Variants in WASHC4 observed in about 807,000 individuals in gnomAD.
The protein encoded by WASHC4 is WASH complex subunit 7.
Under a neutral mutation model 166.6 loss-of-function variants are expected in WASHC4, and 86 were observed. The ratio of observed to expected loss-of-function variants is 0.52; its 90% confidence interval spans 0.43 to 0.62. The LOEUF (loss-of-function observed/expected upper bound fraction) is 0.62, where lower values mean the gene tolerates loss of function less well. Among genes scored for constraint, WASHC4 ranks in the 20% least tolerant of loss-of-function variants. The pLI is 0.00. For synonymous variants in WASHC4, 446 were observed against 451.6 expected, an observed-to-expected ratio of 0.99 and a Z score of 0.16; for missense variants, 1,262 against 1,382.4, an observed-to-expected ratio of 0.91 and a Z score of 1.38.
chr12:105,147,218 G>C (rs1883368734), intron 24 of WASHC4, 72 bp downstream of exon 24: 3 of 874,240 alleles, frequency 3.4e-6, no homozygotes, highest in Non-Finnish European at 5.9e-6. Flanking sequence ...TTTTCTCATA[G>C]AATATTGCGG....
At chr12:105,147,175 G>A in intron 24 of WASHC4, 29 bp downstream of exon 24, 1 of 1,270,802 alleles carries the variant, frequency 7.9e-7, no homozygotes, top group Non-Finnish European at 1.2e-6. Flanking sequence ...GGGTTGAGTG[G>A]GTAATAGACC....
intron 6 of WASHC4, among the ~76,000 whole-genome samples, chr12:105,116,447 G>T (rs970930530): frequency 3.9e-5 from 6 of 151,966 alleles, no homozygotes; most frequent in Admixed American, 6.6e-5. Flanking sequence ...TGTTATTCAG[G>T]GTCCTGTCTA....
chr12:105,112,189 G>C (rs146255323), intron 2 of WASHC4, among the ~76,000 whole-genome samples: 184 of 151,808 alleles, frequency 1.2e-3, no homozygotes, highest in African/African-American at 4.2e-3. Context: ...TTTAACTTAT[G>C]TTTTCAAGGC....
rs1414793085 is a variant in WASHC4 at position 105,144,262 on chromosome 12, A to G, written c.2011-25A>G. On this transcript the variant is annotated intron_variant, in intron 20 of 32. Coordinates refer to ENST00000332180, the MANE Select transcript of WASHC4 (RefSeq NM_015275.3). ...AATTGCAATATCATTTTGAAAAATT[A>G]AAGTATCAAATCTTTTGTGAATAGC... The G allele has an allele frequency of 3.8e-6, 6 of 1,588,034 alleles. No individual in the cohort carries two copies. In the South Asian group the frequency reaches 4.4e-5, roughly 12 times the overall value.
At chr12:105,164,478 C>T (rs1884687494) in intron 31 of WASHC4, 163 bp from the exon 32 acceptor site, 5 of 808,458 alleles carry the variant, frequency 6.2e-6, no homozygotes, top group Middle Eastern at 3.5e-4. Context: ...CCATTTGACT[C>T]ACATCTTAAA....
intron 26 of WASHC4, among the ~76,000 whole-genome samples, chr12:105,156,011 T>A (rs1884137955): frequency 6.6e-6 from 1 of 152,190 alleles, no homozygotes; most frequent in Non-Finnish European, 1.5e-5. Context: ...GGTGATGGAT[T>A]GGATAGGAGG....
At chr12:105,151,145 C>CAAAAAAAA in intron 25 of WASHC4, among the ~76,000 whole-genome samples, 1 of 60,990 alleles carries the variant, frequency 1.6e-5, no homozygotes, top group Non-Finnish European at 2.9e-5. Flanking sequence ...GACTCTGTCT[C>CAAAAAAAA]AAAAAAAAAA....
intron 1 of WASHC4, among the ~76,000 whole-genome samples, chr12:105,108,170 C>G (rs1052694671): frequency 2.8e-4 from 42 of 152,164 alleles, no homozygotes; most frequent in Non-Finnish European, 4.4e-5. Flanking sequence ...GGGGCGCGCC[C>G]GGGAGGCCCA....
At chr12:105,117,474 C>G (rs1245087737) in intron 6 of WASHC4, among the ~76,000 whole-genome samples, 1 of 152,008 alleles carries the variant, frequency 6.6e-6, no homozygotes, top group African/African-American at 2.4e-5. Flanking sequence ...TTTGTTCTTT[C>G]TGTTTGTCCT....
intron 32 of WASHC4, among the ~76,000 whole-genome samples, chr12:105,166,047 G>A (rs1037302898): frequency 6.6e-6 from 1 of 152,158 alleles, no homozygotes; most frequent in Non-Finnish European, 1.5e-5. Flanking sequence ...AACTCTGCGG[G>A]GCGATTGGAC....
At chr12:105,114,172 A>G (rs1168019633) in intron 2 of WASHC4, 44 bp from the exon 3 acceptor site, 3 of 1,564,380 alleles carry the variant, frequency 1.9e-6, no homozygotes, top group East Asian at 2.2e-5. Flanking sequence ...AATTTCAGTT[A>G]TTTTTCAAAT....
intron 1 of WASHC4, 21 bp downstream of exon 1, chr12:105,107,882 G>A: frequency 6.5e-7 from 1 of 1,534,998 alleles, no homozygotes; most frequent in Non-Finnish European, 8.8e-7. Flanking sequence ...TGCAGGGCGA[G>A]GGCTGCGGGT....
intron 13 of WASHC4, 88 bp downstream of exon 13, chr12:105,127,377 G>C: frequency 1.0e-6 from 1 of 962,710 alleles, no homozygotes; most frequent in East Asian, 2.6e-5. Context: ...AGTACCATTT[G>C]AATTATAAGA....
At chr12:105,147,307 A>G (rs1883378367) in intron 24 of WASHC4, 161 bp downstream of exon 24, 1 of 632,878 alleles carries the variant, frequency 1.6e-6, no homozygotes, top group African/African-American at 1.8e-5. Flanking sequence ...CTGGTCCTAA[A>G]ATTGTGTTGG....
chr12:105,155,350 G>A (rs1314833575), intron 26 of WASHC4: 1 of 151,886 alleles, frequency 6.6e-6, no homozygotes, highest in Non-Finnish European at 1.5e-5. Flanking sequence ...TCTGGGGAAA[G>A]AGTCTACCAG....
chr12:105,118,743 A>G (rs985919103), intron 7 of WASHC4, among the ~76,000 whole-genome samples: 13 of 152,212 alleles, frequency 8.5e-5, no homozygotes, highest in South Asian at 4.1e-4. Context: ...GACAGTGTCT[A>G]CAGAACAATC....
rs529403425 is a variant in WASHC4 at position 105,168,603 on chromosome 12, C to G, written c.*1672C>G. The G allele has an allele frequency of 5.3e-5, 8 of 152,104 alleles. No homozygotes were observed. Among genetic ancestry groups the G allele is most frequent in the Admixed American group, 1.3e-4 (2 of 15,280 alleles). 9.4% of individuals were successfully genotyped at this position (152,104 alleles called of 1,614,324 possible). A position where few individuals can be genotyped will look rare whatever the true frequency, so the allele number is the denominator to read the frequency against. On this transcript the variant is annotated 3_prime_UTR_variant, in exon 33 of 33. Transcript: ENST00000332180. ...GAATCACATGTTCTGTGTTCATTAT[C>G]CCTACACATGTAAATTAATTATTTT...
intron 13 of WASHC4, among the ~76,000 whole-genome samples, chr12:105,131,861 A>G (rs1881854110): frequency 6.6e-6 from 1 of 152,196 alleles, no homozygotes; most frequent in South Asian, 2.1e-4. Flanking sequence ...TGTTTTTCTC[A>G]GATTTTGTGC....
chr12:105,149,591 A>C, intron 24 of WASHC4, 24 bp from the exon 25 acceptor site: 1 of 1,347,376 alleles, frequency 7.4e-7, no homozygotes, highest in Non-Finnish European at 1.0e-6. Context: ...ACTTTTTTCA[A>C]CTTTTTGAAT....
Sources: gnomAD v4.1 joint callset for allele counts (sites outside exome capture counted in the v4.1 genomes callset) on GRCh38, gnomAD v4.1.1 for gene constraint, MANE v1.5 for transcripts, NCBI Gene and HGNC (gene_info 2026-07-23, HGNC 2026-07-21) for gene names.